Variants in KIF18A observed in about 807,000 individuals in gnomAD.
KIF18A encodes the protein kinesin family member 18A, also known as kinesin-like protein KIF18A.
Under a neutral mutation model 103.3 loss-of-function variants are expected in KIF18A, and 67 were observed. The observed-to-expected ratio is 0.65, with a 90% CI of 0.53 to 0.79. The LOEUF (loss-of-function observed/expected upper bound fraction) is 0.79. Among genes scored for constraint, KIF18A ranks in the 30% least tolerant of loss-of-function variants. The probability of loss-of-function intolerance (pLI) is 0.00; values close to 1 mark genes in which losing one functional copy is unlikely to be tolerated. For missense variants in KIF18A, 1,032 were observed against 1,062.5 expected, an observed-to-expected ratio of 0.97 and a Z score of 0.40; for synonymous variants, 367 against 355.5, an observed-to-expected ratio of 1.03 and a Z score of -0.36.
At chr11:28,089,491 T>C (rs1477784691) in intron 5 of KIF18A, among the ~76,000 whole-genome samples, 2 of 152,210 alleles carry the variant, frequency 1.3e-5, no homozygotes. Flanking sequence ...ATGTACTATA[T>C]TTTCATATGA....
At chr11:28,080,279 C>A (rs1851147790) in intron 9 of KIF18A, among the ~76,000 whole-genome samples, 1 of 151,240 alleles carries the variant, frequency 6.6e-6, no homozygotes, top group African/African-American at 2.4e-5. Context: ...AGAGAAATCA[C>A]TGACTTCTTG....
chr11:28,030,579 C>T (rs1330888573), intron 15 of KIF18A, among the ~76,000 whole-genome samples: 6 of 151,736 alleles, frequency 4.0e-5, no homozygotes, highest in African/African-American at 9.7e-5. Context: ...ATAAAAACCC[C>T]AGAAGAAAAC....
Position 28,083,183 on chromosome 11 carries a change from C to A in KIF18A, c.1135G>T (p.Glu379Ter). The change falls in exon 8 of 17, where the codon GAG (glutamate) becomes TAG (stop). Residue 379 changes from glutamate (E) to a stop codon, truncating the protein, a stop_gained. Coordinates refer to ENST00000263181, the MANE Select transcript of KIF18A (RefSeq NM_031217.4). LOFTEE classifies it high-confidence loss of function. ...AACAGACATACCTCTGCCTTCTGCT[C>A]ATTACAGATCTTTACATATTGAGTT... ...HITQYVKICN[E>*]QKAEILLLKE... 1 of 1,573,956 alleles carries A rather than the reference C, an allele frequency of 6.4e-7. No homozygotes were observed. Among genetic ancestry groups the A allele is most frequent in the South Asian group, 1.2e-5 (1 of 82,398 alleles).
chr11:28,069,294 T>A lies in KIF18A; in HGVS notation c.1555A>T (p.Met519Leu), dbSNP rs199569994. 6.2e-7 allele frequency: 1 copy of A among 1,613,312 alleles called. No homozygotes were observed. Among genetic ancestry groups the A allele is most frequent in the Non-Finnish European group, 8.5e-7 (1 of 1,179,568 alleles). The stretch of plus-strand genomic sequence containing the variant: ...TGACCGTTTTGACTTAAGAGTCCCA[T>A]TTCTTTTTCGACACGATGGAGCCAA... ...TNWLHRVEKE[M>L]GLLSQNGHIP... The change falls in exon 11 of 17, where the codon ATG becomes TTG. Residue 519 changes from methionine (M) to leucine (L), a missense_variant. Coordinates refer to ENST00000263181, the MANE Select transcript of KIF18A (RefSeq NM_031217.4).
intron 13 of KIF18A, among the ~76,000 whole-genome samples, chr11:28,049,996 T>C (rs1850692185): frequency 6.6e-6 from 1 of 151,922 alleles, no homozygotes; most frequent in Non-Finnish European, 1.5e-5. Context: ...GACACTCTCA[T>C]GGTTAGGGAT....
intron 9 of KIF18A, among the ~76,000 whole-genome samples, chr11:28,078,832 A>G (rs1316900622): frequency 1.3e-5 from 2 of 152,110 alleles, no homozygotes; most frequent in African/African-American, 4.8e-5. Context: ...TTTTATAACA[A>G]AAGACACTTT....
chr11:28,107,942 C>T (rs1007677376), intron 1 of KIF18A, 122 bp downstream of exon 1: 1 of 152,310 alleles, frequency 6.6e-6, no homozygotes, highest in Non-Finnish European at 1.5e-5. Flanking sequence ...CCTGATCCCC[C>T]ACCCCTCAAC....
Position 28,069,326 on chromosome 11 carries a change from T to C in KIF18A, c.1523A>G (p.Asn508Ser), listed in dbSNP as rs1400796755. 1.9e-6 allele frequency: 3 copies of C among 1,613,406 alleles called. No homozygotes were observed. Among genetic ancestry groups the C allele is most frequent in the Admixed American group, 1.7e-5 (1 of 59,950 alleles). ...REEELKQFDE[N>S]TNWLHRVEKE... is the part of the protein sequence containing the mutation. ...TTCGACACGATGGAGCCAATTAGTA[T>C]TCTCATCAAATTGCTTCAATTCCTC... The change falls in exon 11 of 17, where the codon AAT becomes AGT. Residue 508 changes from asparagine to serine, a missense_variant. Coordinates refer to ENST00000263181, the MANE Select transcript of KIF18A (RefSeq NM_031217.4).
intron 13 of KIF18A, among the ~76,000 whole-genome samples, chr11:28,055,079 T>A (rs1337069586): frequency 6.6e-6 from 1 of 152,078 alleles, no homozygotes. Flanking sequence ...TATGAGAGAA[T>A]CTGAAAAAAA....
At chr11:28,048,846 G>C (rs1020660694) in intron 13 of KIF18A, among the ~76,000 whole-genome samples, 3 of 152,040 alleles carry the variant, frequency 2.0e-5, no homozygotes, top group African/African-American at 7.2e-5. Flanking sequence ...CAAGAAGTGG[G>C]ATGGATGTAG....
intron 13 of KIF18A, among the ~76,000 whole-genome samples, chr11:28,055,039 C>G (rs1244848711): frequency 6.6e-6 from 1 of 151,878 alleles, no homozygotes; most frequent in African/African-American, 2.4e-5. Context: ...ATCTTGAGTA[C>G]ATTATAAAAA....
At chr11:28,071,633 A>T (rs1021690472) in intron 10 of KIF18A, among the ~76,000 whole-genome samples, 3 of 151,904 alleles carry the variant, frequency 2.0e-5, no homozygotes, top group African/African-American at 4.8e-5. Context: ...GAATACATAT[A>T]AACAAAAGCT....
intron 11 of KIF18A, among the ~76,000 whole-genome samples, chr11:28,065,528 T>A (rs1850907827): frequency 6.6e-6 from 1 of 152,044 alleles, no homozygotes; most frequent in Non-Finnish European, 1.5e-5. Context: ...AAAATTAGAT[T>A]TGACCATATT....
chr11:28,062,077 G>A (rs575931352), intron 12 of KIF18A, among the ~76,000 whole-genome samples: 4 of 152,220 alleles, frequency 2.6e-5, no homozygotes, highest in Admixed American at 2.0e-4. Flanking sequence ...TCTAAGTGGA[G>A]AAATGGATGG....
chr11:28,092,986 T>C (rs1239343597), intron 3 of KIF18A, among the ~76,000 whole-genome samples: 1 of 152,294 alleles, frequency 6.6e-6, no homozygotes, highest in East Asian at 1.9e-4. Context: ...AAAACACAGA[T>C]GCCTCAGCCA....
At chr11:28,091,156 A>ACATG (rs1470118015) in intron 4 of KIF18A, among the ~76,000 whole-genome samples, 4 of 151,700 alleles carry the variant, frequency 2.6e-5, no homozygotes, top group Non-Finnish European at 5.9e-5. Context: ...ATAAATACAT[A>ACATG]CATACATACA....
At chr11:28,094,822 C>A (rs1186439297) in intron 2 of KIF18A, 22 bp from the exon 3 acceptor site, 2 of 1,607,986 alleles carry the variant, frequency 1.2e-6, no homozygotes, top group Admixed American at 1.7e-5. Context: ...AGAAAGGGAT[C>A]AAAACTCTTT....
chr11:28,033,181 G>A lies in KIF18A; in HGVS notation c.2504+2206C>T, dbSNP rs138711970. 4.5e-3 allele frequency among the ~76,000 whole-genome samples: 677 copies of A among 151,760 alleles called. 6 individuals carry two copies. The highest frequency in any genetic ancestry group is 0.015 in the African/African-American group (640 of 41,426). On this transcript the variant is annotated intron_variant, in intron 15 of 16. Transcript: ENST00000263181. ...GATATCATCTCACCCCAGTTAAAAT[G>A]GCTTTTTTTCCAAAAGACAGTCAAC...
chr11:28,024,181 C>A (rs1850282885), intron 15 of KIF18A, among the ~76,000 whole-genome samples: 2 of 116,524 alleles, frequency 1.7e-5, no homozygotes, highest in South Asian at 2.7e-4. Context: ...AGCACATAGT[C>A]ACAAGAGGTT....
Sources: gnomAD v4.1 joint callset for allele counts (sites outside exome capture counted in the v4.1 genomes callset) on GRCh38, gnomAD v4.1.1 for gene constraint, MANE v1.5 for transcripts, NCBI Gene and HGNC (gene_info 2026-07-23, HGNC 2026-07-21) for gene names.